TRNAU1AP: variants seen among roughly 807,000 people sequenced by gnomAD.
The protein encoded by TRNAU1AP is tRNA selenocysteine 1 associated protein 1.
TRNAU1AP carries 33 observed loss-of-function variants against 43.3 expected under a neutral mutation model. The ratio of observed to expected loss-of-function variants is 0.76; its 90% CI spans 0.58 to 1.02. The LOEUF is 1.02. TRNAU1AP is among the 50% of genes least tolerant of loss of function. The pLI is 0.00. For missense variants in TRNAU1AP, 290 were observed against 362.7 expected (o/e 0.80, Z 1.63); for synonymous variants, 143 against 129.1 (o/e 1.11, Z -0.73).
intron 2 of TRNAU1AP, 83 bp downstream of exon 2, chr1:28,553,820 T>C (rs933348831): frequency 2.5e-6 from 3 of 1,188,894 alleles, no homozygotes; most frequent in Non-Finnish European, 3.7e-6. Context: ...TCATGGCTTC[T>C]CACTACCCCT....
chr1:28,555,422 C>G (rs1390073289), intron 2 of TRNAU1AP, among the ~76,000 whole-genome samples: 1 of 151,598 alleles, frequency 6.6e-6, no homozygotes, highest in Non-Finnish European at 1.5e-5. Context: ...CCATGTTCTT[C>G]TTTCTCTTTG....
chr1:28,557,464 T>G, intron 2 of TRNAU1AP, among the ~76,000 whole-genome samples: 2 of 145,020 alleles, frequency 1.4e-5, no homozygotes, highest in African/African-American at 2.7e-5. Flanking sequence ...GTTTCTTACA[T>G]GTTTCTTTTT....
At chr1:28,561,994 C>T (rs1367544560) in intron 4 of TRNAU1AP, among the ~76,000 whole-genome samples, 1 of 152,106 alleles carries the variant, frequency 6.6e-6, no homozygotes, top group Non-Finnish European at 1.5e-5. Flanking sequence ...CTCACCTGAG[C>T]CCAGGGAGGG....
At chr1:28,574,859 A>C (rs778080784) in intron 8 of TRNAU1AP, 20 of 152,232 alleles carry the variant, frequency 1.3e-4, no homozygotes, top group Admixed American at 5.2e-4. Flanking sequence ...TGTCTAGTTC[A>C]TAACATTTTA....
intron 8 of TRNAU1AP, among the ~76,000 whole-genome samples, chr1:28,576,157 T>C (rs1665774696): frequency 1.3e-5 from 1 of 75,932 alleles, no homozygotes; most frequent in African/African-American, 4.5e-5. Context: ...CAGTGCCCAG[T>C]TTTTTTTTTT....
chr1:28,577,450 C>G (rs1391712319), intron 8 of TRNAU1AP, 50 bp from the exon 9 acceptor site: 1 of 1,598,756 alleles, frequency 6.3e-7, no homozygotes, highest in South Asian at 1.1e-5. Context: ...AACCAGGTCC[C>G]TTGCAGCTGT....
chr1:28,555,834 T>C (rs578039902), intron 2 of TRNAU1AP, among the ~76,000 whole-genome samples: 2 of 151,800 alleles, frequency 1.3e-5, no homozygotes, highest in Admixed American at 6.6e-5. Flanking sequence ...AAATTCATTC[T>C]GTAACCTTTC....
chr1:28,554,372 T>G (rs1308834561), intron 2 of TRNAU1AP, among the ~76,000 whole-genome samples: 2 of 152,098 alleles, frequency 1.3e-5, no homozygotes, highest in Non-Finnish European at 2.9e-5. Context: ...GAGGATTAAA[T>G]GAGTTAATTC....
intron 8 of TRNAU1AP, among the ~76,000 whole-genome samples, chr1:28,572,525 CTGTT>C (rs1174931840): frequency 6.6e-6 from 1 of 151,712 alleles, no homozygotes; most frequent in African/African-American, 2.4e-5. Flanking sequence ...ATTTGTTTGA[CTGTT>C]TGTAAAATTC....
At chr1:28,556,496 C>G (rs1019363390) in intron 2 of TRNAU1AP, among the ~76,000 whole-genome samples, 2 of 149,300 alleles carry the variant, frequency 1.3e-5, no homozygotes, top group Admixed American at 6.7e-5. Flanking sequence ...GGCATAGATT[C>G]TCACATTTTA....
intron 2 of TRNAU1AP, among the ~76,000 whole-genome samples, chr1:28,559,075 A>AT (rs931163905): frequency 1.3e-5 from 2 of 150,516 alleles, no homozygotes; most frequent in Non-Finnish European, 3.0e-5. Context: ...ATTTTTATTT[A>AT]TTTTTTATTT....
chr1:28,561,488 C>T, intron 4 of TRNAU1AP, 90 bp downstream of exon 4: 1 of 1,458,498 alleles, frequency 6.9e-7, no homozygotes, highest in Non-Finnish European at 9.6e-7. Context: ...TTTGGCTGCA[C>T]TTGGTTCCCT....
At position 28,578,205 on chromosome 1, in the gene TRNAU1AP, T is replaced by C. The variant is rs1665851792; in HGVS notation, c.*569T>C. On this transcript the variant is annotated 3_prime_UTR_variant, in exon 9 of 9. Coordinates refer to ENST00000373830, the MANE Select transcript of TRNAU1AP (RefSeq NM_017846.5). ...ATCTATTTTCATGAGTTGCAGCATC[T>C]GCATATACAAGGCCTGGATCACTTT... is the stretch of plus-strand genomic sequence containing the variant. 6.3e-6 allele frequency: 1 copy of C among 158,192 alleles called. No homozygotes were observed. The highest frequency in any genetic ancestry group is 1.4e-5 in the Non-Finnish European group (1 of 71,660). 9.8% of individuals were successfully genotyped at this position (158,192 alleles called of 1,614,324 possible).
intron 5 of TRNAU1AP, 116 bp downstream of exon 5, chr1:28,564,950 C>A: frequency 1.6e-6 from 2 of 1,284,468 alleles, no homozygotes; most frequent in Admixed American, 1.9e-5. Context: ...AGCTCTGGAG[C>A]CAAACTGCCT....
At chr1:28,558,122 C>A (rs2124189640) in intron 2 of TRNAU1AP, among the ~76,000 whole-genome samples, 1 of 140,466 alleles carries the variant, frequency 7.1e-6, no homozygotes, top group South Asian at 2.3e-4. Context: ...TTGGTCAGAA[C>A]TCCTGACCTC....
In TRNAU1AP at chr1:28,560,848, A is replaced by G. The variant is rs1010128233; in HGVS notation, c.225+116A>G. 1.1e-5 allele frequency: 11 copies of G among 961,314 alleles called. No individual in the cohort carries two copies. In the African/African-American group the frequency reaches 1.7e-4, roughly 15 times the overall value. 59.5% of individuals were successfully genotyped at this position (961,314 alleles called of 1,614,324 possible). On this transcript the variant is annotated intron_variant, in intron 3 of 8. Transcript: ENST00000373830. ...TAATCCTAAAACAACCCTTTACAGT[A>G]GGCATTGTTATCTTTGTAGGCCCAG...
chr1:28,573,743 A>T (rs1440665630), intron 8 of TRNAU1AP, among the ~76,000 whole-genome samples: 1 of 151,724 alleles, frequency 6.6e-6, no homozygotes, highest in Admixed American at 6.6e-5. Flanking sequence ...ACTGTACTCC[A>T]GCCTGGGCAA....
intron 5 of TRNAU1AP, chr1:28,565,790 T>TAA: frequency 1.2e-5 from 1 of 84,488 alleles, no homozygotes. Flanking sequence ...CTGTCTCAAA[T>TAA]AAAAAAAAAA....
Position 28,564,771 on chromosome 1 carries a change from T to C in TRNAU1AP, c.347T>C (p.Phe116Ser). ...GATGATGGCATGCTGTATGAATTCT[T>C]CGTCAAAGTCTACCCCTCCTGTCGG... Reference protein sequence around the residue: ...DVDDGMLYEFFVKVYPSCRGG... With the variant: ...DVDDGMLYEFSVKVYPSCRGG... Residue 116 changes from phenylalanine to serine, a missense_variant, in exon 5 of 9, where the codon TTC (phenylalanine) becomes TCC (serine). Transcript: ENST00000373830. The C allele has an allele frequency of 6.2e-7, 1 of 1,614,212 alleles. No individual in the cohort carries two copies. Among genetic ancestry groups the C allele is most frequent in the Non-Finnish European group, 8.5e-7 (1 of 1,180,034 alleles).
Sources: gnomAD v4.1 joint callset for allele counts (sites outside exome capture counted in the v4.1 genomes callset) on GRCh38, gnomAD v4.1.1 for gene constraint, MANE v1.5 for transcripts, NCBI Gene and HGNC (gene_info 2026-07-23, HGNC 2026-07-21) for gene names.